The following CTNND2 variants were observed in gnomAD, a reference collection of about 807,000 sequenced individuals.
CTNND2 encodes the protein catenin delta-2.
In CTNND2, 22 loss-of-function variants were observed where a neutral mutation model predicts 144.4. The ratio of observed to expected loss-of-function variants is 0.15; its 90% CI spans 0.11 to 0.22. The LOEUF is 0.22. Among genes scored for constraint, CTNND2 ranks in the 10% least tolerant of loss-of-function variants. The probability of loss-of-function intolerance (pLI) is 1.00; values close to 1 mark genes in which losing one functional copy is unlikely to be tolerated. For synonymous variants in CTNND2, 751 were observed against 695.6 expected, an observed-to-expected ratio of 1.08 and a Z score of -1.25; for missense variants, 1,353 against 1,618.8, an observed-to-expected ratio of 0.84 and a Z score of 2.82.
rs141780193 is a variant in CTNND2 at position 11,103,309 on chromosome 5, G to A, written c.2464-4561C>T. Among the ~76,000 whole-genome samples the A allele has an allele frequency of 3.3e-3, 498 of 152,160 alleles. 2 individuals carry two copies. Among genetic ancestry groups the A allele is most frequent in the South Asian group, 0.011 (51 of 4,824 alleles). On this transcript the variant is annotated intron_variant, in intron 14 of 21. Coordinates refer to ENST00000304623, the MANE Select transcript of CTNND2 (RefSeq NM_001332.4). The stretch of plus-strand genomic sequence containing the variant: ...TTTAAAAGAGTTCTATCTCAGTTGG[G>A]TTTGAGAATGAAAGAGTGGAAGCCA...
intron 3 of CTNND2, among the ~76,000 whole-genome samples, chr5:11,451,055 C>T (rs1320552873): frequency 6.6e-6 from 1 of 151,434 alleles, no homozygotes; most frequent in African/African-American, 2.4e-5. Context: ...TCATAACATG[C>T]AAATGTAGAA....
intron 2 of CTNND2, among the ~76,000 whole-genome samples, chr5:11,721,010 A>G (rs983995030): frequency 3.3e-5 from 5 of 152,210 alleles, no homozygotes; most frequent in Non-Finnish European, 7.3e-5. Context: ...ACAAACTTGT[A>G]CACAAATATT....
At chr5:11,104,314 G>A (rs1445583542) in intron 14 of CTNND2, among the ~76,000 whole-genome samples, 3 of 152,242 alleles carry the variant, frequency 2.0e-5, no homozygotes, top group Non-Finnish European at 4.4e-5. Flanking sequence ...CCTCTCAGGG[G>A]AAGTCACACA....
intron 18 of CTNND2, among the ~76,000 whole-genome samples, chr5:11,004,915 T>C (rs1249249951): frequency 6.6e-6 from 1 of 152,084 alleles, no homozygotes; most frequent in African/African-American, 2.4e-5. Context: ...GCTAGCACCA[T>C]GCTGAGCACA....
intron 8 of CTNND2, among the ~76,000 whole-genome samples, chr5:11,355,404 T>TA (rs1301285372): frequency 1.3e-5 from 2 of 151,886 alleles, no homozygotes; most frequent in Non-Finnish European, 2.9e-5. Context: ...GAACCAAGGA[T>TA]AAAAACCATA....
chr5:11,014,109 C>A (rs1464351523), intron 18 of CTNND2, among the ~76,000 whole-genome samples: 2 of 151,738 alleles, frequency 1.3e-5, no homozygotes, highest in Non-Finnish European at 2.9e-5. Context: ...GTTTTGGGTC[C>A]CAACCAATGC....
In CTNND2 at chr5:11,018,099, C is replaced by A. The variant is rs760161195; in HGVS notation, c.3000-41G>T. The A allele has an allele frequency of 4.6e-6, 6 of 1,309,114 alleles. No individual in the cohort carries two copies. In the South Asian group the frequency reaches 7.1e-5, roughly 15 times the overall value. The allele number at this position is 1,309,114 out of a possible 1,614,324, so 81.1% of individuals were successfully genotyped here. A position where few individuals can be genotyped will look rare whatever the true frequency, so the allele number is the denominator to read the frequency against. On this transcript the variant is annotated intron_variant, in intron 17 of 21. Transcript: ENST00000304623. Reference sequence around the variant, plus strand: ...CAGGAAAGGCAAGATGTGAGTGGGACAGCTGTGTCACATTTCTGTAATTCT... The same window carrying A: ...CAGGAAAGGCAAGATGTGAGTGGGAAAGCTGTGTCACATTTCTGTAATTCT...
At chr5:11,819,771 C>T (rs1476710567) in intron 1 of CTNND2, among the ~76,000 whole-genome samples, 1 of 152,174 alleles carries the variant, frequency 6.6e-6, no homozygotes, top group African/African-American at 2.4e-5. Context: ...CAGCAGAATC[C>T]TGGGCCCTGT....
intron 12 of CTNND2, among the ~76,000 whole-genome samples, chr5:11,136,414 C>T (rs189328494): frequency 2.7e-5 from 4 of 150,724 alleles, no homozygotes; most frequent in African/African-American, 7.3e-5. Context: ...TCAAGAGACA[C>T]GAAAGAAGAT....
chr5:11,534,271 T>C (rs1179163525), intron 3 of CTNND2, among the ~76,000 whole-genome samples: 1 of 152,128 alleles, frequency 6.6e-6, no homozygotes, highest in East Asian at 1.9e-4. Context: ...TCTCATATTC[T>C]TGGAGGAAAA....
intron 16 of CTNND2, among the ~76,000 whole-genome samples, chr5:11,074,794 C>T (rs1290571729): frequency 6.6e-6 from 1 of 152,134 alleles, no homozygotes; most frequent in Non-Finnish European, 1.5e-5. Flanking sequence ...TATTTTCACT[C>T]AAAGACAGAA....
At chr5:11,596,928 T>C (rs1426131330) in intron 2 of CTNND2, among the ~76,000 whole-genome samples, 2 of 152,182 alleles carry the variant, frequency 1.3e-5, no homozygotes, top group Admixed American at 6.5e-5. Flanking sequence ...AATTCTAGTA[T>C]ATTTGTTCCA....
At chr5:11,840,603 G>A (rs1272680179) in intron 1 of CTNND2, among the ~76,000 whole-genome samples, 1 of 152,076 alleles carries the variant, frequency 6.6e-6, no homozygotes, top group African/African-American at 2.4e-5. Context: ...GCTACAAACT[G>A]GACCCACCAA....
chr5:11,784,588 C>T (rs1199060958), intron 1 of CTNND2, among the ~76,000 whole-genome samples: 1 of 152,196 alleles, frequency 6.6e-6, no homozygotes, highest in African/African-American at 2.4e-5. Flanking sequence ...ATTAAGGTTG[C>T]TAAGAAACTG....
intron 16 of CTNND2, among the ~76,000 whole-genome samples, chr5:11,071,734 A>C (rs935627259): frequency 1.3e-5 from 2 of 152,100 alleles, no homozygotes; most frequent in Admixed American, 1.3e-4. Context: ...AGGAACCCCC[A>C]CAGAGTGCGC....
intron 16 of CTNND2, among the ~76,000 whole-genome samples, chr5:11,079,746 C>T (rs1284234671): frequency 6.6e-6 from 1 of 152,132 alleles, no homozygotes; most frequent in African/African-American, 2.4e-5. Context: ...CTATCTTGAC[C>T]TCGCATTGAA....
At chr5:11,548,035 G>A (rs2561596) in intron 3 of CTNND2, among the ~76,000 whole-genome samples, 33,935 of 151,966 alleles carry the variant, frequency 0.22, 4,640 homozygotes, top group African/African-American at 0.39. Context: ...TTCAAATGAC[G>A]GAGTAGGAGT....
intron 1 of CTNND2, among the ~76,000 whole-genome samples, chr5:11,796,406 T>C (rs2126878123): frequency 6.6e-6 from 1 of 152,328 alleles, no homozygotes; most frequent in East Asian, 1.9e-4. Context: ...GAACAAAGCA[T>C]ATTATGGGCC....
intron 9 of CTNND2, among the ~76,000 whole-genome samples, chr5:11,252,139 T>A (rs1189881485): frequency 6.6e-6 from 1 of 152,210 alleles, no homozygotes; most frequent in African/African-American, 2.4e-5. Context: ...TTGCTCTTAA[T>A]GTCTTCAAAC....
Sources: allele counts gnomAD v4.1 joint callset (sites outside exome capture counted in the v4.1 genomes callset), GRCh38; gene constraint gnomAD v4.1.1; transcripts MANE v1.5; gene names NCBI Gene and HGNC (gene_info 2026-07-23, HGNC 2026-07-21).